FRAS1: variants seen among roughly 807,000 people sequenced by gnomAD.
FRAS1 encodes Fraser extracellular matrix complex subunit 1.
A neutral mutation model predicts 435.2 loss-of-function variants in FRAS1; 290 were observed. The observed-to-expected ratio is 0.67, with a 90% CI of 0.61 to 0.73. The LOEUF (loss-of-function observed/expected upper bound fraction) is 0.73. Ranked by LOEUF, FRAS1 falls within the 30% of genes least tolerant of loss-of-function variation. The pLI is 0.00. For missense variants in FRAS1, 4,860 were observed against 5,001.5 expected, an observed-to-expected ratio of 0.97 and a Z score of 0.85; for synonymous variants, 1,800 against 1,851.0, an observed-to-expected ratio of 0.97 and a Z score of 0.71.
chr4:78,428,525 G>T (rs1435433790), intron 35 of FRAS1, among the ~76,000 whole-genome samples: 3 of 152,004 alleles, frequency 2.0e-5, no homozygotes, highest in Admixed American at 1.3e-4. Context: ...GGGTTTCATC[G>T]TGTTAGCCAG....
Position 78,280,605 on chromosome 4 carries a change from T to A in FRAS1, c.1072-793T>A, listed in dbSNP as rs1727287239. ...CTTTTTTTTTTTTTTTTGATTTGGG[T>A]AAATTACATCTGTCAACCTTCCAGT... On this transcript the variant is annotated intron_variant, in intron 10 of 73. Transcript: ENST00000512123. Among the ~76,000 whole-genome samples, 2 of 143,688 alleles carry A rather than the reference T, an allele frequency of 1.4e-5. 1 individual carries two copies. Among genetic ancestry groups the A allele is most frequent in the African/African-American group, 5.1e-5 (2 of 39,530 alleles). 94.3% of individuals were successfully genotyped at this position (143,688 alleles called of 152,430 possible). A position where few individuals can be genotyped will look rare whatever the true frequency, so the allele number is the denominator to read the frequency against.
chr4:78,293,047 G>A (rs1374848278), intron 14 of FRAS1, among the ~76,000 whole-genome samples: 2 of 152,090 alleles, frequency 1.3e-5, no homozygotes, highest in East Asian at 1.9e-4. Context: ...TATGTACCAC[G>A]CCCTGTCCCA....
At chr4:78,196,891 C>T (rs1012967432) in intron 2 of FRAS1, among the ~76,000 whole-genome samples, 17 of 151,928 alleles carry the variant, frequency 1.1e-4, no homozygotes, top group Non-Finnish European at 1.6e-4. Flanking sequence ...CCATAAGTGC[C>T]GTTGTTTATA....
At chr4:78,249,077 A>G (rs867520959) in intron 4 of FRAS1, among the ~76,000 whole-genome samples, 3 of 110,416 alleles carry the variant, frequency 2.7e-5, no homozygotes, top group African/African-American at 1.0e-4. Context: ...ATATATATAT[A>G]TATATATATG....
chr4:78,222,472 A>G (rs1444456005), intron 2 of FRAS1, among the ~76,000 whole-genome samples: 1 of 152,244 alleles, frequency 6.6e-6, no homozygotes, highest in Non-Finnish European at 1.5e-5. Context: ...ACTGCAGGGC[A>G]GAAAGAAAGG....
At position 78,496,943 on chromosome 4, in the gene FRAS1, A is replaced by G. The variant is rs749271814; in HGVS notation, c.9097A>G (p.Ile3033Val). The G allele has an allele frequency of 3.7e-6, 6 of 1,613,392 alleles. No homozygotes were observed. The highest frequency in any genetic ancestry group is 3.4e-6 in the Non-Finnish European group (4 of 1,179,496). The change falls in exon 60 of 74, where the codon ATA becomes GTA. Residue 3033 changes from isoleucine to valine, a missense_variant. Physicochemically the swap from Ile to Val is conservative, Grantham distance 29 (BLOSUM62 3). Coordinates refer to ENST00000512123, the MANE Select transcript of FRAS1 (RefSeq NM_025074.7). ...IGKNNMATIT[I>V]SNDEDAPTIE... The stretch of plus-strand genomic sequence containing the variant: ...AAAGAATAACATGGCCACCATCACC[A>G]TATCCAATGATGAAGATGGTAACAG...
rs763508870 is a variant in FRAS1 at position 78,540,674 on chromosome 4, C to T, written c.11589C>T (p.Ile3863=). The T allele has an allele frequency of 4.3e-6, 7 of 1,613,476 alleles. No individual in the cohort carries two copies. Among genetic ancestry groups the T allele is most frequent in the Non-Finnish European group, 5.9e-6 (7 of 1,179,576 alleles). ...TGGTAGAGCCCGATGGCCAGCTGAT[C>T]CTTGATGATTCCCTCATCTATGACA... ...RDLVEPDGQL[I]LDDSLIYDNE... Residue 3863 remains isoleucine, a synonymous_variant, in exon 74 of 74, where the codon ATC becomes ATT. Transcript: ENST00000512123.
In FRAS1 at chr4:78,418,939, C is replaced by T; in HGVS notation, c.4426-10C>T. The stretch of plus-strand genomic sequence containing the variant: ...CCATGTGTTCCTCTTCCTTCTTAAA[C>T]TTTGTTTAGGCTAGAGAAGATGGCC... On this transcript the variant is annotated splice_polypyrimidine_tract_variant and intron_variant, in intron 32 of 73. Coordinates refer to ENST00000512123, the MANE Select transcript of FRAS1 (RefSeq NM_025074.7). 6.5e-7 allele frequency: 1 copy of T among 1,534,648 alleles called. No individual in the cohort carries two copies. The highest frequency in any genetic ancestry group is 8.9e-7 in the Non-Finnish European group (1 of 1,118,442).
At chr4:78,321,507 AG>A (rs1255176478) in intron 18 of FRAS1, among the ~76,000 whole-genome samples, 1 of 152,196 alleles carries the variant, frequency 6.6e-6, no homozygotes, top group African/African-American at 2.4e-5. Flanking sequence ...TCCTTGACAA[AG>A]GGAAGGTTTC....
At chr4:78,524,117 G>A (rs190668196) in intron 69 of FRAS1, among the ~76,000 whole-genome samples, 7 of 152,314 alleles carry the variant, frequency 4.6e-5, no homozygotes, top group South Asian at 2.1e-4. Context: ...AGCTTCTGCT[G>A]TAACACAGCT....
intron 69 of FRAS1, among the ~76,000 whole-genome samples, chr4:78,523,629 T>A (rs1467199451): frequency 6.6e-6 from 1 of 152,218 alleles, no homozygotes; most frequent in African/African-American, 2.4e-5. Flanking sequence ...GTCTTGAGAA[T>A]CATTTTCAAA....
At chr4:78,164,208 A>G (rs572474905) in intron 2 of FRAS1, among the ~76,000 whole-genome samples, 2 of 152,106 alleles carry the variant, frequency 1.3e-5, no homozygotes, top group Non-Finnish European at 2.9e-5. Context: ...CAGGAAGGGA[A>G]CCGTTTGTGT....
At position 78,480,885 on chromosome 4, in the gene FRAS1, C is replaced by T. The variant is rs1435843755; in HGVS notation, c.8444-919C>T. On this transcript the variant is annotated intron_variant, in intron 56 of 73. Coordinates refer to ENST00000512123, the MANE Select transcript of FRAS1 (RefSeq NM_025074.7). ...GTATTTTTGAGCACTTACCGAATGC[C>T]GGGCACCATACCGTGCATGTTCCAT... Among the ~76,000 whole-genome samples, 6 of 152,190 alleles carry T rather than the reference C, an allele frequency of 3.9e-5. No homozygotes were observed. The East Asian group carries it at 5.8e-4, about 15-fold the overall frequency.
chr4:78,229,180 T>C (rs1463996635), intron 2 of FRAS1, among the ~76,000 whole-genome samples: 1 of 152,128 alleles, frequency 6.6e-6, no homozygotes, highest in Non-Finnish European at 1.5e-5. Context: ...TTACTTAACC[T>C]CTCTGAACTT....
At chr4:78,288,652 G>A (rs1727733918) in intron 14 of FRAS1, among the ~76,000 whole-genome samples, 1 of 152,006 alleles carries the variant, frequency 6.6e-6, no homozygotes, top group East Asian at 1.9e-4. Flanking sequence ...CTTTAGTTCA[G>A]GCTGGTTGCA....
At chr4:78,357,584 G>A (rs1730905071) in intron 20 of FRAS1, among the ~76,000 whole-genome samples, 1 of 152,050 alleles carries the variant, frequency 6.6e-6, no homozygotes, top group South Asian at 2.1e-4. Flanking sequence ...GGGGGCCTGG[G>A]TCTGTTAGTT....
chr4:78,286,858 T>C (rs1727631650), intron 14 of FRAS1, among the ~76,000 whole-genome samples: 1 of 151,942 alleles, frequency 6.6e-6, no homozygotes, highest in Non-Finnish European at 1.5e-5. Context: ...GAGGTGGGAG[T>C]AGTCATAATA....
chr4:78,304,318 T>A (rs1409505736), intron 14 of FRAS1, among the ~76,000 whole-genome samples: 1 of 152,206 alleles, frequency 6.6e-6, no homozygotes, highest in Non-Finnish European at 1.5e-5. Flanking sequence ...TAAAATTCTC[T>A]TTTTTGGTTG....
intron 2 of FRAS1, among the ~76,000 whole-genome samples, chr4:78,224,688 G>A (rs1234827943): frequency 6.6e-6 from 1 of 151,932 alleles, no homozygotes; most frequent in Non-Finnish European, 1.5e-5. Context: ...GCGCACCACG[G>A]CACCCAGCTA....
Sources: allele counts gnomAD v4.1 joint callset (sites outside exome capture counted in the v4.1 genomes callset), GRCh38; gene constraint gnomAD v4.1.1; transcripts MANE v1.5; gene names NCBI Gene and HGNC (gene_info 2026-07-23, HGNC 2026-07-21).